The following NRXN3 variants were observed in gnomAD, a reference collection of about 807,000 sequenced individuals.
NRXN3 encodes the protein neurexin III.
In NRXN3, 32 loss-of-function variants were observed where a neutral mutation model predicts 137.6. The ratio of observed to expected loss-of-function variants is 0.23; its 90% CI spans 0.18 to 0.31. NRXN3 has a LOEUF of 0.31. Ranked by LOEUF, NRXN3 falls within the 10% of genes least tolerant of loss-of-function variation. NRXN3 has a pLI of 1.00. For synonymous variants in NRXN3, 798 were observed against 784.5 expected (o/e 1.02, Z -0.29); for missense variants, 1,574 against 2,062.5 (o/e 0.76, Z 4.59).
At chr14:79,234,123 C>T (rs1257514856) in intron 15 of NRXN3, among the ~76,000 whole-genome samples, 1 of 150,792 alleles carries the variant, frequency 6.6e-6, no homozygotes, top group East Asian at 2.0e-4. Context: ...AATGTGCTTA[C>T]TGGGGCTGCA....
chr14:78,721,699 T>G (rs1191538525), intron 8 of NRXN3, among the ~76,000 whole-genome samples: 5 of 152,152 alleles, frequency 3.3e-5, no homozygotes, highest in Non-Finnish European at 7.4e-5. Context: ...GATTAACGAA[T>G]CGAACCTTAG....
chr14:79,788,721 T>G (rs1010169112), intron 19 of NRXN3, among the ~76,000 whole-genome samples: 6 of 152,070 alleles, frequency 3.9e-5, no homozygotes, highest in African/African-American at 1.4e-4. Flanking sequence ...AGCAATCAAG[T>G]AGAAGGGAAA....
chr14:78,807,278 G>A (rs1290852520), intron 9 of NRXN3, among the ~76,000 whole-genome samples: 1 of 152,222 alleles, frequency 6.6e-6, no homozygotes, highest in Non-Finnish European at 1.5e-5. Context: ...GACTCTGAGG[G>A]AGTGGCATGT....
chr14:79,128,859 G>C (rs2056992992), intron 15 of NRXN3, among the ~76,000 whole-genome samples: 1 of 151,800 alleles, frequency 6.6e-6, no homozygotes, highest in Non-Finnish European at 1.5e-5. Flanking sequence ...TTCAGCTCCT[G>C]TTATTGGTCT....
intron 4 of NRXN3, among the ~76,000 whole-genome samples, chr14:78,617,784 C>T (rs1051290158): frequency 4.0e-5 from 6 of 151,880 alleles, no homozygotes; most frequent in East Asian, 1.9e-4. Context: ...ACAAAACATA[C>T]GTACAAAGTA....
intron 15 of NRXN3, among the ~76,000 whole-genome samples, chr14:79,184,577 C>T (rs1014874337): frequency 1.3e-5 from 2 of 152,164 alleles, no homozygotes; most frequent in Non-Finnish European, 1.5e-5. Flanking sequence ...ATCTCCCTCC[C>T]CTGCCCCCAT....
At chr14:79,712,340 T>G (rs2098807343) in intron 19 of NRXN3, among the ~76,000 whole-genome samples, 1 of 152,218 alleles carries the variant, frequency 6.6e-6, no homozygotes, top group African/African-American at 2.4e-5. Context: ...CACACACTTT[T>G]TTACCTTCCA....
At chr14:78,251,689 T>C (rs1017791317) in intron 2 of NRXN3, among the ~76,000 whole-genome samples, 5 of 151,924 alleles carry the variant, frequency 3.3e-5, no homozygotes, top group Non-Finnish European at 5.9e-5. Context: ...TTTGGGAAGG[T>C]GTGGTGGGAA....
rs567278096 is a variant in NRXN3, at chr14:78,625,130, G to A, written c.758-19990G>A. The stretch of plus-strand genomic sequence containing the variant: ...GTTGGGATTACAGGCGTGAGCCACC[G>A]CACCTGGTCCCTGTTCCTTATCTTT... On this transcript the variant is annotated intron_variant, in intron 4 of 20. Coordinates refer to ENST00000335750, the MANE Select transcript of NRXN3 (RefSeq NM_001330195.2). 5.9e-3 allele frequency among the ~76,000 whole-genome samples: 891 copies of A among 152,244 alleles called. 5 individuals carry two copies. Among genetic ancestry groups the A allele is most frequent in the Middle Eastern group, 0.027 (8 of 294 alleles).
At chr14:78,936,752 G>A (rs1334551465) in intron 10 of NRXN3, among the ~76,000 whole-genome samples, 1 of 152,198 alleles carries the variant, frequency 6.6e-6, no homozygotes. Context: ...CTCAGCCACA[G>A]TTAGCCCGAA....
intron 16 of NRXN3, among the ~76,000 whole-genome samples, chr14:79,592,134 A>G (rs1367165840): frequency 6.6e-6 from 1 of 152,130 alleles, no homozygotes; most frequent in Admixed American, 6.5e-5. Context: ...ACCATAGTTT[A>G]CTTTTTCATG....
intron 1 of NRXN3, among the ~76,000 whole-genome samples, chr14:78,196,130 C>T (rs1218544287): frequency 6.6e-6 from 1 of 152,242 alleles, no homozygotes; most frequent in Non-Finnish European, 1.5e-5. Context: ...CCACGTCACC[C>T]AGCCAGAAAG....
At chr14:78,567,228 A>G (rs2096844359) in intron 4 of NRXN3, among the ~76,000 whole-genome samples, 1 of 152,258 alleles carries the variant, frequency 6.6e-6, no homozygotes, top group African/African-American at 2.4e-5. Context: ...AGGAAGCAGC[A>G]GAAAAATATG....
At chr14:79,688,309 T>C (rs1031687290) in intron 17 of NRXN3, among the ~76,000 whole-genome samples, 2 of 152,142 alleles carry the variant, frequency 1.3e-5, no homozygotes, top group African/African-American at 4.8e-5. Context: ...TAATAAGTGA[T>C]AAAGTTAGAA....
At chr14:78,695,032 C>G (rs1207656560) in intron 6 of NRXN3, among the ~76,000 whole-genome samples, 1 of 152,008 alleles carries the variant, frequency 6.6e-6, no homozygotes, top group African/African-American at 2.4e-5. Context: ...AAGGTGTTAA[C>G]AGGGCTGCAT....
chr14:79,364,303 G>T (rs1566919367), intron 15 of NRXN3, among the ~76,000 whole-genome samples: 2 of 152,136 alleles, frequency 1.3e-5, no homozygotes, highest in Admixed American at 1.3e-4. Context: ...GGCCCTGAGG[G>T]GCCACAGTAA....
At chr14:79,045,315 C>T (rs1052015598) in intron 15 of NRXN3, among the ~76,000 whole-genome samples, 5 of 152,210 alleles carry the variant, frequency 3.3e-5, no homozygotes, top group South Asian at 2.1e-4. Context: ...AATTTATGAC[C>T]GGGAGCAAGC....
At chr14:79,585,079 C>T (rs909363765) in intron 16 of NRXN3, among the ~76,000 whole-genome samples, 36 of 152,062 alleles carry the variant, frequency 2.4e-4, no homozygotes, top group African/African-American at 5.1e-4. Context: ...TGGAGATGGG[C>T]CGTTCAAGTT....
chr14:78,638,658 CA>C (rs2097586665), intron 4 of NRXN3, among the ~76,000 whole-genome samples: 1 of 152,168 alleles, frequency 6.6e-6, no homozygotes, highest in Non-Finnish European at 1.5e-5. Context: ...GATGTCTGCT[CA>C]CAGCTTCCTA....
Sources: gnomAD v4.1 joint callset for allele counts (sites outside exome capture counted in the v4.1 genomes callset) on GRCh38, gnomAD v4.1.1 for gene constraint, MANE v1.5 for transcripts, NCBI Gene and HGNC (gene_info 2026-07-23, HGNC 2026-07-21) for gene names.